Variants in CACNA1A observed in about 807,000 individuals in gnomAD.
The protein encoded by CACNA1A is voltage-dependent P/Q-type calcium channel subunit alpha-1A.
In CACNA1A, 57 loss-of-function variants were observed where a neutral mutation model predicts 262.4. That is an observed-to-expected ratio of 0.22 (90% CI 0.18 to 0.27). The LOEUF (loss-of-function observed/expected upper bound fraction) is 0.27, where lower values mean the gene tolerates loss of function less well. Among genes scored for constraint, CACNA1A ranks in the 10% least tolerant of loss-of-function variants. The probability of loss-of-function intolerance (pLI) is 1.00; values close to 1 mark genes in which losing one functional copy is unlikely to be tolerated. For missense variants in CACNA1A, 2,526 were observed against 3,562.8 expected (o/e 0.71, Z 7.41); for synonymous variants, 1,431 against 1,419.3 (o/e 1.01, Z -0.18).
rs1319972219 is a variant in CACNA1A at position 13,313,386 on chromosome 19, G to A, written c.1556-605C>T. Among the ~76,000 whole-genome samples, 5 of 150,014 alleles carry A rather than the reference G, an allele frequency of 3.3e-5. No individual in the cohort carries two copies. In the Admixed American group the frequency reaches 3.4e-4, roughly 10 times the overall value. Reference sequence around the variant, plus strand: ...GTGGTGACACATGCCTGTAAACCCAGCTACTTGGGAGGCTGAGGCATGAGA... The same window carrying A: ...GTGGTGACACATGCCTGTAAACCCAACTACTTGGGAGGCTGAGGCATGAGA... On this transcript the variant is annotated intron_variant, in intron 11 of 46. Transcript: ENST00000360228.
chr19:13,396,971 A>T (rs1017963771), intron 3 of CACNA1A, among the ~76,000 whole-genome samples: 22 of 152,316 alleles, frequency 1.4e-4, no homozygotes, highest in African/African-American at 5.1e-4. Context: ...CAGGAAATGT[A>T]GGGCTCGCGA....
chr19:13,267,987 T>C (rs1035882272), intron 24 of CACNA1A, among the ~76,000 whole-genome samples: 1 of 151,942 alleles, frequency 6.6e-6, no homozygotes, highest in African/African-American at 2.4e-5. Context: ...GGTCTCAAAC[T>C]CCTGGGCTCA....
intron 3 of CACNA1A, among the ~76,000 whole-genome samples, chr19:13,394,195 C>T (rs2059770377): frequency 1.3e-5 from 2 of 152,106 alleles, no homozygotes; most frequent in South Asian, 2.1e-4. Flanking sequence ...ATCATTCCCT[C>T]TACTTTCCAG....
intron 30 of CACNA1A, chr19:13,252,711 T>TA (rs2056435065): frequency 8.8e-6 from 2 of 227,222 alleles, no homozygotes; most frequent in Admixed American, 1.1e-4. Flanking sequence ...TTCTTATCTC[T>TA]AAAATGGATG....
intron 3 of CACNA1A, among the ~76,000 whole-genome samples, chr19:13,402,873 C>CACACATATATAT (rs1201892162): frequency 9.6e-5 from 7 of 72,808 alleles, no homozygotes; most frequent in South Asian, 5.0e-4. Flanking sequence ...CACACACACA[C>CACACATATATAT]ATATATATAT....
At chr19:13,480,332 T>C (rs935103989) in intron 1 of CACNA1A, among the ~76,000 whole-genome samples, 4 of 152,204 alleles carry the variant, frequency 2.6e-5, no homozygotes, top group African/African-American at 9.7e-5. Flanking sequence ...ATGATCCCTT[T>C]CCAATTAATG....
rs946116668 is a variant in CACNA1A at position 13,506,162 on chromosome 19, G to T, written c.63C>A (p.Ala21=). 3.9e-6 allele frequency: 6 copies of T among 1,548,080 alleles called. No homozygotes were observed. The highest frequency in any genetic ancestry group is 1.2e-5 in the South Asian group (1 of 83,482). The change falls in exon 1 of 47, where the codon GCC becomes GCA. Residue 21 remains alanine, a synonymous_variant. Coordinates refer to ENST00000360228, the MANE Select transcript of CACNA1A (RefSeq NM_001127222.2). The part of the protein sequence containing the change: ...RYGGGGSGAA[A]GVVVGSGGGR... The stretch of plus-strand genomic sequence containing the variant: ...CGCCTCCGCTGCCCACGACCACCCC[G>T]GCGGCTGCCCCGGAGCCTCCTCCCC...
chr19:13,294,110 C>G (rs1418883246), intron 19 of CACNA1A, among the ~76,000 whole-genome samples: 2 of 147,826 alleles, frequency 1.4e-5, no homozygotes, highest in African/African-American at 5.0e-5. Flanking sequence ...AATCATTGGT[C>G]TTTCTTTTTT....
In CACNA1A at chr19:13,257,479, G is replaced by A; in HGVS notation, c.4461C>T (p.Ser1487=). The change falls in exon 28 of 47, where the codon TCC becomes TCT. Residue 1487 remains serine (S), a synonymous_variant. Transcript: ENST00000360228. The part of the protein sequence containing the change: ...GPSPGYRMEM[S]IFYVVYFVVF... ...CCACAAAGTAGACGACGTAGAAAATGGACATCTCCATGCGGTACCCGGGGC... is the reference window on the plus strand; with the variant it reads ...CCACAAAGTAGACGACGTAGAAAATAGACATCTCCATGCGGTACCCGGGGC... The A allele has an allele frequency of 6.2e-7, 1 of 1,612,876 alleles. No homozygotes were observed. The highest frequency in any genetic ancestry group is 2.2e-5 in the East Asian group (1 of 44,860).
intron 6 of CACNA1A, among the ~76,000 whole-genome samples, chr19:13,352,513 G>T (rs2058931513): frequency 6.6e-6 from 1 of 151,918 alleles, no homozygotes; most frequent in Non-Finnish European, 1.5e-5. Context: ...GGTCAGCTTG[G>T]TACAGTGTCC....
Position 13,506,276 on chromosome 19 carries a change from A to ACGCCGCCGCCGCCGC in CACNA1A, c.-67_-53dup. 1 of 1,354,648 alleles carries ACGCCGCCGCCGCCGC rather than the reference A, an allele frequency of 7.4e-7. No homozygotes were observed. Among genetic ancestry groups the ACGCCGCCGCCGCCGC allele is most frequent in the South Asian group, 1.7e-5 (1 of 57,862 alleles). The allele number at this position is 1,354,648 out of a possible 1,614,324, so 83.9% of individuals were successfully genotyped here. Reference sequence around the variant, plus strand: ...TACGCTGCGGCGAACGATGCGGAAGACGCCGCCGCCGCCGCCGCCGCCGCT... The same window carrying ACGCCGCCGCCGCCGC: ...TACGCTGCGGCGAACGATGCGGAAGACGCCGCCGCCGCCGCCGCCGCCGCCGCCGCCGCCGCCGCT... On this transcript the variant is annotated 5_prime_UTR_variant, in exon 1 of 47. Transcript: ENST00000360228.
rs1381215648 is a variant in CACNA1A, at chr19:13,214,138, G to A, written c.5940+95C>T. 2 of 1,002,988 alleles carry A rather than the reference G, an allele frequency of 2.0e-6. No individual in the cohort carries two copies. Among genetic ancestry groups the A allele is most frequent in the Non-Finnish European group, 3.0e-6 (2 of 665,926 alleles). The allele number at this position is 1,002,988 out of a possible 1,614,324, so 62.1% of individuals were successfully genotyped here. A position where few individuals can be genotyped will look rare whatever the true frequency, so the allele number is the denominator to read the frequency against. On this transcript the variant is annotated intron_variant, in intron 40 of 46. Coordinates refer to ENST00000360228, the MANE Select transcript of CACNA1A (RefSeq NM_001127222.2). This position sits in a 1 kb window ranked among gnomAD's most constrained non-coding sequence, Gnocchi z 4.1. ...CCCCTACTTTTCAGGGACCTGCCCT[G>A]GGGCTCAGCCACCCTCATATTCCAG...
chr19:13,403,256 G>C (rs1185302545), intron 3 of CACNA1A, among the ~76,000 whole-genome samples: 1 of 151,958 alleles, frequency 6.6e-6, no homozygotes, highest in Non-Finnish European at 1.5e-5. Flanking sequence ...AATAAATGTT[G>C]ATCTGAGTGA....
intron 30 of CACNA1A, among the ~76,000 whole-genome samples, chr19:13,251,635 A>G (rs1408503999): frequency 6.6e-6 from 1 of 152,236 alleles, no homozygotes; most frequent in Non-Finnish European, 1.5e-5. Context: ...TCTGATGTTT[A>G]TAAGTGACAC....
intron 43 of CACNA1A, chr19:13,210,964 C>A: frequency 2.1e-6 from 1 of 465,176 alleles, no homozygotes; most frequent in Non-Finnish European, 3.9e-6. Flanking sequence ...AGCCTCGAGC[C>A]CCTGGCCCTG....
chr19:13,444,754 T>C (rs1215283876), intron 3 of CACNA1A, among the ~76,000 whole-genome samples: 1 of 152,114 alleles, frequency 6.6e-6, no homozygotes, highest in African/African-American at 2.4e-5. Flanking sequence ...TCTAGATCTC[T>C]TGCCACCATC....
chr19:13,298,949 C>T lies in CACNA1A; in HGVS notation c.2684G>A (p.Gly895Glu). The T allele has an allele frequency of 6.3e-7, 1 of 1,591,336 alleles. No homozygotes were observed. The highest frequency in any genetic ancestry group is 8.5e-7 in the Non-Finnish European group (1 of 1,176,228). The change falls in exon 19 of 47, where the codon GGA (glycine) becomes GAA (glutamate). Residue 895 changes from glycine to glutamate, a missense_variant. Transcript: ENST00000360228. ...GSQEAELSRE[G>E]PYGRESDHHA... ...GTGGTCCGACTCGCGGCCGTAGGGT[C>T]CCTCCCGGCTCAGCTCGGCCTCCTG...
chr19:13,281,764 AT>A (rs1199836226), intron 22 of CACNA1A, among the ~76,000 whole-genome samples: 1 of 152,150 alleles, frequency 6.6e-6, no homozygotes, highest in African/African-American at 2.4e-5. Flanking sequence ...TGTGAACGTT[AT>A]GGGGCCACAG....
chr19:13,501,017 G>C (rs765655528), intron 1 of CACNA1A, among the ~76,000 whole-genome samples: 2 of 152,042 alleles, frequency 1.3e-5, no homozygotes, highest in Admixed American at 1.3e-4. Context: ...GTGGTTGAAG[G>C]GGCTGGAGAA....
Sources: gnomAD v4.1 joint callset for allele counts (sites outside exome capture counted in the v4.1 genomes callset) on GRCh38, gnomAD v4.1.1 for gene constraint, Gnocchi (gnomAD v3.1) non-coding constraint, MANE v1.5 for transcripts, NCBI Gene and HGNC (gene_info 2026-07-23, HGNC 2026-07-21) for gene names.